The following ZNF483 variants were observed in gnomAD, a reference collection of about 807,000 sequenced individuals.
ZNF483 encodes zinc finger protein HIT-10.
Under a neutral mutation model 28.6 loss-of-function variants are expected in ZNF483, and 9 were observed. The observed-to-expected ratio is 0.32, with a 90% CI of 0.19 to 0.55. The LOEUF is 0.55. Ranked by LOEUF, ZNF483 falls within the 20% of genes least tolerant of loss-of-function variation. The pLI, the probability that ZNF483 is intolerant of heterozygous loss-of-function variation, is 0.93. For synonymous variants in ZNF483, 322 were observed against 306.2 expected (o/e 1.05, Z -0.54); for missense variants, 675 against 871.7 (o/e 0.77, Z 2.84).
chr9:111,531,378 C>T (rs951533913), intron 3 of ZNF483, among the ~76,000 whole-genome samples: 21 of 151,532 alleles, frequency 1.4e-4, no homozygotes, highest in African/African-American at 4.6e-4. Context: ...TCATTTCCTT[C>T]TTTTTTTTTC....
rs546983385 is a variant in ZNF483, at chr9:111,541,884, T to G, written c.949T>G (p.Leu317Val). 32 of 1,613,912 alleles carry G rather than the reference T, an allele frequency of 2.0e-5. No individual in the cohort carries two copies. In the East Asian group the frequency reaches 5.8e-4, roughly 29 times the overall value. ...ACATAATTTCAAAGAAACTTCAGAC[T>G]TAATTAAACATCTGAGAGTCTACTT... ...FGHNFKETSD[L>V]IKHLRVYLRK... Residue 317 changes from leucine (L) to valine (V), a missense_variant, in exon 6 of 6, where the codon TTA becomes GTA. Coordinates refer to ENST00000309235, the MANE Select transcript of ZNF483 (RefSeq NM_133464.5).
rs183059783 is a variant in ZNF483, at chr9:111,548,007, A to C, written c.*4837A>C. ...ATATGTTTGTCTTTATGCCAGTACCATGCTATTTTGATTACTCCAGTAATG... is the reference window on the plus strand; with the variant it reads ...ATATGTTTGTCTTTATGCCAGTACCCTGCTATTTTGATTACTCCAGTAATG... On this transcript the variant is annotated 3_prime_UTR_variant, in exon 6 of 6. Transcript: ENST00000309235. Among the ~76,000 whole-genome samples, 1 of 152,034 alleles carries C rather than the reference A, an allele frequency of 6.6e-6. No homozygotes were observed.
chr9:111,563,232 C>A, intron 5 of ZNF483: 1 of 1,610,794 alleles, frequency 6.2e-7, no homozygotes, highest in South Asian at 1.1e-5. Flanking sequence ...GGATTTTACC[C>A]TGTATCAAAG....
chr9:111,527,962 G>A, intron 2 of ZNF483, 155 bp downstream of exon 2: 1 of 1,528,060 alleles, frequency 6.5e-7, no homozygotes, highest in Non-Finnish European at 8.8e-7. Flanking sequence ...GTGTGATTTT[G>A]GGCAAGCTGT....
At chr9:111,537,267 G>T (rs1326418200) in intron 5 of ZNF483, among the ~76,000 whole-genome samples, 1 of 151,992 alleles carries the variant, frequency 6.6e-6, no homozygotes, top group Non-Finnish European at 1.5e-5. Flanking sequence ...TGTCACGCAG[G>T]CTGGAGTGCA....
rs1827878793 is a variant in ZNF483 at position 111,549,560 on chromosome 9, C to G, written c.*6390C>G. Among the ~76,000 whole-genome samples, 1 of 152,130 alleles carries G rather than the reference C, an allele frequency of 6.6e-6. No individual in the cohort carries two copies. The highest frequency in any genetic ancestry group is 2.4e-5 in the African/African-American group (1 of 41,416). On this transcript the variant is annotated 3_prime_UTR_variant, in exon 6 of 6. Coordinates refer to ENST00000309235, the MANE Select transcript of ZNF483 (RefSeq NM_133464.5). ...CAGGTTGGAGTTCTCAGGTCTGTCTCCCTTGTAGATTATCAGAGTGGGTCG... is the reference window on the plus strand; with the variant it reads ...CAGGTTGGAGTTCTCAGGTCTGTCTGCCTTGTAGATTATCAGAGTGGGTCG...
At position 111,543,742 on chromosome 9, in the gene ZNF483, A is replaced by G. The variant is rs957693403; in HGVS notation, c.*572A>G. 1 of 943,230 alleles carries G rather than the reference A, an allele frequency of 1.1e-6. No homozygotes were observed. The allele number at this position is 943,230 out of a possible 1,614,324, so 58.4% of individuals were successfully genotyped here. A position where few individuals can be genotyped will look rare whatever the true frequency, so the allele number is the denominator to read the frequency against. On this transcript the variant is annotated 3_prime_UTR_variant, in exon 6 of 6. Transcript: ENST00000309235. ...CTCTAGTAAAAAATACAATACCACT[A>G]TTCAGGATGCTGGACTTCTTTTCTT...
At chr9:111,529,359 AT>A (rs1382930031) in intron 2 of ZNF483, among the ~76,000 whole-genome samples, 4 of 152,208 alleles carry the variant, frequency 2.6e-5, no homozygotes, top group African/African-American at 9.6e-5. Context: ...GTTTTTATGT[AT>A]GTATTTTTTA....
Position 111,543,256 on chromosome 9 carries a change from G to T in ZNF483, c.*86G>T. 6.8e-7 allele frequency: 1 copy of T among 1,472,598 alleles called. No homozygotes were observed. The highest frequency in any genetic ancestry group is 8.9e-7 in the Non-Finnish European group (1 of 1,117,892). The allele number at this position is 1,472,598 out of a possible 1,614,324, so 91.2% of individuals were successfully genotyped here. ...GGATGTAAACTTACAGTATTGATCAGTAGCTGCAGCTTTCGTAAATTGGCA... is the reference window on the plus strand; with the variant it reads ...GGATGTAAACTTACAGTATTGATCATTAGCTGCAGCTTTCGTAAATTGGCA... On this transcript the variant is annotated 3_prime_UTR_variant, in exon 6 of 6. Transcript: ENST00000309235.
chr9:111,536,799 A>G (rs1827514803), intron 5 of ZNF483, among the ~76,000 whole-genome samples: 1 of 151,750 alleles, frequency 6.6e-6, no homozygotes, highest in African/African-American at 2.4e-5. Flanking sequence ...CTGAAGCCTT[A>G]TTGATAACAT....
rs1363765060 is a variant in ZNF483 at position 111,549,822 on chromosome 9, T to A, written c.*6652T>A. On this transcript the variant is annotated 3_prime_UTR_variant, in exon 6 of 6. Transcript: ENST00000309235. ...GATCTGTCAACACAATCAGAACATT[T>A]AGCTCTTTGAGCATCTTTAAGGCAG... 1 of 1,444,820 alleles carries A rather than the reference T, an allele frequency of 6.9e-7. No individual in the cohort carries two copies. Among genetic ancestry groups the A allele is most frequent in the Non-Finnish European group, 9.5e-7 (1 of 1,051,272 alleles). 89.5% of individuals were successfully genotyped at this position (1,444,820 alleles called of 1,614,324 possible).
intron 5 of ZNF483, among the ~76,000 whole-genome samples, chr9:111,573,162 A>G (rs2132363627): frequency 6.6e-6 from 1 of 152,326 alleles, no homozygotes; most frequent in East Asian, 1.9e-4. Context: ...ACTGTATCCA[A>G]AATATTTGGC....
At chr9:111,559,826 A>G (rs1000850591), downstream of ZNF483, among the ~76,000 whole-genome samples, 1 of 152,174 alleles carries the variant, frequency 6.6e-6, no homozygotes, top group Non-Finnish European at 1.5e-5. Flanking sequence ...AGAAAAGAGG[A>G]CACGGGCAGT....
downstream of ZNF483, among the ~76,000 whole-genome samples, chr9:111,559,641 CAT>C (rs1001418700): frequency 1.4e-5 from 2 of 142,956 alleles, no homozygotes; most frequent in African/African-American, 5.8e-5. Context: ...CACACACACA[CAT>C]ACAGCACACA....
chr9:111,565,234 G>A (rs1016865491), intron 5 of ZNF483, among the ~76,000 whole-genome samples: 17 of 152,116 alleles, frequency 1.1e-4, no homozygotes, highest in African/African-American at 3.4e-4. Flanking sequence ...AGAAGGCCAC[G>A]TGAAGATGCA....
In ZNF483 at chr9:111,527,695, C is replaced by A; in HGVS notation, c.300C>A (p.Phe100Leu). 6.2e-7 allele frequency: 1 copy of A among 1,614,104 alleles called. No individual in the cohort carries two copies. The highest frequency in any genetic ancestry group is 8.5e-7 in the Non-Finnish European group (1 of 1,180,038). Residue 100 changes from phenylalanine (F) to leucine (L), a missense_variant, in exon 2 of 6, where the codon TTC becomes TTA. By Grantham distance (22) the Phe-to-Leu change is conservative. Around this residue, in one of 6 missense-constraint regions of ZNF483, gnomAD observed 525 missense variants for 581.8 expected, o/e 0.90. Transcript: ENST00000309235. ...QILELLVFEQ[F>L]LTILPGEIRI... ...TAGAGCTTCTGGTGTTTGAGCAGTT[C>A]CTGACCATTTTGCCTGGGGAGATCA... is the stretch of plus-strand genomic sequence containing the variant.
rs1828002907 is a variant in ZNF483, at chr9:111,552,617, G to A, written c.*9447G>A. On this transcript the variant is annotated 3_prime_UTR_variant, in exon 6 of 6. Transcript: ENST00000309235. ...ATCTGCCATGAGTTTGAGCCTTTAG[G>A]CAATGAATTCACATTTCATTGCCTT... 6.6e-6 allele frequency among the ~76,000 whole-genome samples: 1 copy of A among 152,108 alleles called. No individual in the cohort carries two copies. Among genetic ancestry groups the A allele is most frequent in the African/African-American group, 2.4e-5 (1 of 41,424 alleles).
chr9:111,551,507 C>T lies in ZNF483; in HGVS notation c.*8337C>T, dbSNP rs930516225. Among the ~76,000 whole-genome samples, 24 of 147,944 alleles carry T rather than the reference C, an allele frequency of 1.6e-4. 1 individual carries two copies. In the East Asian group the frequency reaches 2.4e-3, roughly 15 times the overall value. On this transcript the variant is annotated 3_prime_UTR_variant, in exon 6 of 6. Transcript: ENST00000309235. ...ACTGCAACCTCCGCCTCCTGGGTTCCAGCAATTCTCCTGCTTCAGCCTCCC... is the reference window on the plus strand; with the variant it reads ...ACTGCAACCTCCGCCTCCTGGGTTCTAGCAATTCTCCTGCTTCAGCCTCCC...
At chr9:111,572,899 C>T (rs1487166136) in intron 5 of ZNF483, among the ~76,000 whole-genome samples, 2 of 151,394 alleles carry the variant, frequency 1.3e-5, no homozygotes, top group African/African-American at 4.9e-5. Flanking sequence ...TGGATTTGTG[C>T]GTGTTGATGA....
Sources: gnomAD v4.1 joint callset for allele counts (sites outside exome capture counted in the v4.1 genomes callset) on GRCh38, gnomAD v4.1.1 for gene constraint, gnomAD v4.1.1 regional missense constraint, MANE v1.5 for transcripts, NCBI Gene and HGNC (gene_info 2026-07-23, HGNC 2026-07-21) for gene names.